The following TAF1 variants were observed in gnomAD, a reference collection of about 807,000 sequenced individuals.
TAF1 encodes the protein transcription initiation factor TFIID subunit 1.
In TAF1, 2 loss-of-function variants were observed where a neutral mutation model predicts 138.5. The observed-to-expected ratio is 0.01, with a 90% CI of 0.01 to 0.05. TAF1 has a LOEUF of 0.05. Ranked by LOEUF, TAF1 falls within the 10% of genes least tolerant of loss-of-function variation. The pLI is 1.00. For missense variants in TAF1, 709 were observed against 1,478.0 expected, an observed-to-expected ratio of 0.48 and a Z score of 8.53; for synonymous variants, 437 against 503.2, an observed-to-expected ratio of 0.87 and a Z score of 1.76.
chrX:71,410,003 C>T (rs193161097), intron 28 of TAF1, among the ~76,000 whole-genome samples: 116 of 109,476 alleles, frequency 1.1e-3, no homozygotes, highest in African/African-American at 3.6e-3. Flanking sequence ...AGTGATTTTC[C>T]TGCCTCAGCC....
chrX:71,415,128 C>CTTTTTTTTT (rs1158533765), intron 28 of TAF1, among the ~76,000 whole-genome samples: 3 of 51,644 alleles, frequency 5.8e-5, no homozygotes, highest in African/African-American at 2.4e-4. Flanking sequence ...AAAGTTTTGT[C>CTTTTTTTTT]TTTTTTTTTT....
At chrX:71,431,897 A>G (rs1192858260) in intron 32 of TAF1, among the ~76,000 whole-genome samples, 2 of 104,175 alleles carry the variant, frequency 1.9e-5, no homozygotes, top group Non-Finnish European at 3.9e-5. Context: ...GTCTGGTGAC[A>G]GAGTGAGACT....
chrX:71,379,105 A>ATGTTTTTTTTTTTTTTT (rs2033683107), intron 8 of TAF1, 74 bp downstream of exon 8: 1 of 332,928 alleles, frequency 3.0e-6, no homozygotes, highest in African/African-American at 5.6e-5. Flanking sequence ...CTCAGCTGTG[A>ATGTTTTTTTTTTTTTTT]TTTTTTTTTT....
intron 19 of TAF1, 29 bp downstream of exon 19, chrX:71,392,747 A>T: frequency 2.5e-6 from 3 of 1,190,876 alleles, no homozygotes; most frequent in Non-Finnish European, 3.4e-6. Context: ...CTAGAATGAA[A>T]AAGTCAAGGG....
intron 35 of TAF1, 38 bp downstream of exon 35, chrX:71,458,404 T>G: frequency 8.4e-7 from 1 of 1,196,767 alleles, no homozygotes; most frequent in Non-Finnish European, 1.1e-6. Context: ...ATTGTTATTG[T>G]GCCTGCAAGT....
At chrX:71,459,332 C>A in intron 35 of TAF1, 1 of 1,049,436 alleles carries the variant, frequency 9.5e-7, no homozygotes, top group East Asian at 3.1e-5. Context: ...CAGGCCAAAT[C>A]CTAAGATGAT....
In TAF1 at chrX:71,367,349, C is replaced by T. The variant is rs2032624895; in HGVS notation, c.121-150C>T. ...TGCGGAGTTTGGTAGATGTATATTA[C>T]AGTTCTCGAACGTGTTGCTTGTTTT... is the stretch of plus-strand genomic sequence containing the variant. On this transcript the variant is annotated intron_variant, in intron 1 of 37. Transcript: ENST00000423759. 3.3e-5 allele frequency: 20 copies of T among 614,666 alleles called. No homozygotes were observed. The South Asian group carries it at 4.2e-4, about 13-fold the overall frequency. The allele number at this position is 614,666 out of a possible 1,213,427, so 50.7% of individuals were successfully genotyped here. A position where few individuals can be genotyped will look rare whatever the true frequency, so the allele number is the denominator to read the frequency against.
chrX:71,376,813 C>G, intron 4 of TAF1, 137 bp from the exon 5 acceptor site: 1 of 885,104 alleles, frequency 1.1e-6, no homozygotes, highest in Non-Finnish European at 1.5e-6. Context: ...GGGTTGCATA[C>G]TAGTATTATG....
At chrX:71,458,216 C>T (rs755345021) in intron 34 of TAF1, 25 bp from the exon 35 acceptor site, 222 of 1,203,632 alleles carry the variant, frequency 1.8e-4, no homozygotes, top group Non-Finnish European at 2.4e-4. Context: ...TAGATAGAAG[C>T]TAAGTTGTAT....
At chrX:71,494,239 A>G (rs1239669247) in intron 13 of TAF1, among the ~76,000 whole-genome samples, 2 of 110,897 alleles carry the variant, frequency 1.8e-5, no homozygotes, top group Non-Finnish European at 3.8e-5. Context: ...CCTGGCAAAC[A>G]TGGTGAAACC....
chrX:71,379,269 C>T (rs942471006), intron 8 of TAF1, among the ~76,000 whole-genome samples: 31 of 108,586 alleles, frequency 2.9e-4, no homozygotes, highest in Non-Finnish European at 3.6e-4. Flanking sequence ...GCGTGCACCA[C>T]GATGTCTGAC....
At chrX:71,525,835 T>A (rs1226203932) in intron 13 of TAF1, among the ~76,000 whole-genome samples, 2 of 107,671 alleles carry the variant, frequency 1.9e-5, no homozygotes, top group East Asian at 2.9e-4. Context: ...TTTGTATTTT[T>A]TTTTTTTTTT....
chrX:71,483,780 C>CCATA (rs1556022685), intron 13 of TAF1, among the ~76,000 whole-genome samples: 35 of 37,572 alleles, frequency 9.3e-4, no homozygotes, highest in Non-Finnish European at 9.9e-4. Context: ...CTCTCTCTCT[C>CCATA]TATATATATA....
At chrX:71,450,595 C>T (rs2037913276) in intron 32 of TAF1, among the ~76,000 whole-genome samples, 1 of 112,080 alleles carries the variant, frequency 8.9e-6, no homozygotes, top group Admixed American at 9.5e-5. Context: ...TCCTCTTCCC[C>T]TCTTACCTCC....
chrX:71,465,690 G>GC lies in TAF1; in HGVS notation c.*1644_*1645insC, dbSNP rs2038730594. 1 of 112,138 alleles carries GC rather than the reference G, an allele frequency of 8.9e-6. No homozygotes were observed. Among genetic ancestry groups the GC allele is most frequent in the African/African-American group, 3.2e-5 (1 of 30,885 alleles). 9.2% of individuals were successfully genotyped at this position (112,138 alleles called of 1,213,427 possible). A position where few individuals can be genotyped will look rare whatever the true frequency, so the allele number is the denominator to read the frequency against. ...TTAGAGGAGTGATATAATCAGGTTTGTGTTTTAGAAATCTGTGTAATGAAT... is the reference window on the plus strand; with the variant it reads ...TTAGAGGAGTGATATAATCAGGTTTGCTGTTTTAGAAATCTGTGTAATGAAT... On this transcript the variant is annotated 3_prime_UTR_variant, in exon 38 of 38. Transcript: ENST00000423759.
chrX:71,387,302 T>C lies in TAF1; in HGVS notation c.2268T>C (p.His756=). Reference sequence around the variant, plus strand: ...TTTTTCGTGCTCCAATTTATCTTCATAAGATGCCAGAAACTGATTTCTTGA... The same window carrying C: ...TTTTTCGTGCTCCAATTTATCTTCACAAGATGCCAGAAACTGATTTCTTGA... The part of the protein sequence containing the change: ...NNLFRAPIYL[H]KMPETDFLII... Residue 756 remains histidine, a synonymous_variant, in exon 15 of 38, where the codon CAT becomes CAC. Transcript: ENST00000423759. The C allele has an allele frequency of 8.3e-7, 1 of 1,212,062 alleles. No homozygotes were observed. Among genetic ancestry groups the C allele is most frequent in the Non-Finnish European group, 1.1e-6 (1 of 895,596 alleles).
rs752566537 is a variant in TAF1 at position 71,397,359 on chromosome X, G to A, written c.3513G>A (p.Thr1171=). The A allele has an allele frequency of 5.0e-6, 6 of 1,209,864 alleles. No homozygotes were observed. The highest frequency in any genetic ancestry group is 2.2e-5 in the Admixed American group (1 of 45,587). The change falls in exon 23 of 38, where the codon ACG becomes ACA. Residue 1171 remains threonine, a synonymous_variant. Coordinates refer to ENST00000423759, the MANE Select transcript of TAF1 (RefSeq NM_004606.5). ...ATGRCLKIYR[T]FRDEEGKEYV... The stretch of plus-strand genomic sequence containing the variant: ...GACGCTGTCTCAAGATTTATCGCAC[G>A]TTTCGAGATGAAGAGGGGAAAGAGT...
At position 71,494,980 on chromosome X, in the gene TAF1, A is replaced by G. The variant is rs552440594; in HGVS notation, c.1367-33562A>G. Among the ~76,000 whole-genome samples, 4 of 111,838 alleles carry G rather than the reference A, an allele frequency of 3.6e-5. No individual in the cohort carries two copies. In the South Asian group the frequency reaches 1.5e-3, roughly 41 times the overall value. On this transcript the variant is annotated intron_variant and NMD_transcript_variant, in intron 13 of 14. Coordinates refer to the TAF1 transcript ENST00000373775. Reference sequence around the variant, plus strand: ...CTGATTGGTGCATTTACAATCCTTTAGCTACACACAGAGCACTGATTGGTG... The same window carrying G: ...CTGATTGGTGCATTTACAATCCTTTGGCTACACACAGAGCACTGATTGGTG...
intron 32 of TAF1, among the ~76,000 whole-genome samples, chrX:71,427,496 G>C (rs1310545610): frequency 8.9e-6 from 1 of 111,975 alleles, no homozygotes; most frequent in Non-Finnish European, 1.9e-5. Context: ...ACATAGGGCA[G>C]ACTTAACAAG....
Sources: gnomAD v4.1 joint callset for allele counts (sites outside exome capture counted in the v4.1 genomes callset) on GRCh38, gnomAD v4.1.1 for gene constraint, MANE v1.5 for transcripts, NCBI Gene and HGNC (gene_info 2026-07-23, HGNC 2026-07-21) for gene names.